Variants in SV2C observed in about 807,000 individuals in gnomAD.
The protein encoded by SV2C is solute carrier family 22 member B3.
Under a neutral mutation model 79.7 loss-of-function variants are expected in SV2C, and 49 were observed. The ratio of observed to expected loss-of-function variants is 0.61; its 90% CI spans 0.49 to 0.78. SV2C has a LOEUF of 0.78. SV2C is among the 30% of genes least tolerant of loss of function. SV2C has a pLI of 0.00. For synonymous variants in SV2C, 334 were observed against 333.2 expected (o/e 1.00, Z -0.03); for missense variants, 833 against 912.9 (o/e 0.91, Z 1.13).
the SV2C span, among the ~76,000 whole-genome samples, chr5:75,872,565 T>C: frequency 6.6e-6 from 1 of 152,098 alleles, no homozygotes; most frequent in African/African-American, 2.4e-5. Context: ...AAAAAGATGC[T>C]AGTGAATAGA....
chr5:76,227,319 AG>A (rs1745281107), intron 4 of SV2C, among the ~76,000 whole-genome samples: 1 of 152,144 alleles, frequency 6.6e-6, no homozygotes, highest in Non-Finnish European at 1.5e-5. Flanking sequence ...ACTCCAAGCC[AG>A]GGTATGGTTT....
chr5:75,933,416 C>T, the SV2C span, among the ~76,000 whole-genome samples: 27 of 152,288 alleles, frequency 1.8e-4, no homozygotes, highest in African/African-American at 5.8e-4. Context: ...CATTTGGCCC[C>T]GTTCTTGTCC....
At chr5:76,270,749 G>GATTT (rs779230446) in intron 4 of SV2C, among the ~76,000 whole-genome samples, 4 of 151,730 alleles carry the variant, frequency 2.6e-5, no homozygotes, top group African/African-American at 7.2e-5. Flanking sequence ...TAATCCCTAT[G>GATTT]ATTTATTTAT....
the SV2C span, among the ~76,000 whole-genome samples, chr5:75,873,959 C>T: frequency 7.9e-5 from 12 of 152,018 alleles, no homozygotes; most frequent in Admixed American, 7.2e-4. Flanking sequence ...GATTCACAGC[C>T]GAATTCTACC....
chr5:76,306,426 A>C (rs1487037468), intron 12 of SV2C, among the ~76,000 whole-genome samples: 8 of 152,210 alleles, frequency 5.3e-5, no homozygotes, highest in Non-Finnish European at 1.5e-5. Context: ...CCAAATACTT[A>C]TTCTTTACTT....
the SV2C span, chr5:75,921,213 A>T: frequency 9.0e-7 from 1 of 1,110,044 alleles, no homozygotes; most frequent in Non-Finnish European, 1.3e-6. Flanking sequence ...CCAGCAGCCG[A>T]GATGTGGTCA....
intron 9 of SV2C, among the ~76,000 whole-genome samples, chr5:76,297,352 C>T (rs1476056617): frequency 2.0e-5 from 3 of 152,182 alleles, no homozygotes; most frequent in African/African-American, 7.2e-5. Flanking sequence ...ACACAGAATG[C>T]TCCTGGAGGA....
At chr5:75,856,787 CT>C in the SV2C span, among the ~76,000 whole-genome samples, 7 of 152,138 alleles carry the variant, frequency 4.6e-5, no homozygotes, top group African/African-American at 1.7e-4. Context: ...TGTGCAGAAG[CT>C]TTTTAACTGG....
At chr5:76,257,967 C>T (rs1579995095) in intron 4 of SV2C, among the ~76,000 whole-genome samples, 1 of 137,082 alleles carries the variant, frequency 7.3e-6, no homozygotes, top group South Asian at 2.4e-4. Context: ...GGGGTATAAA[C>T]GTGTGGTGTG....
chr5:76,063,173 C>T, the SV2C span, among the ~76,000 whole-genome samples: 20 of 152,140 alleles, frequency 1.3e-4, no homozygotes, highest in East Asian at 1.4e-3. Context: ...ACTCCTCTCC[C>T]TCCTGGGGCT....
the SV2C span, among the ~76,000 whole-genome samples, chr5:76,057,760 AATT>A: frequency 6.6e-6 from 1 of 152,126 alleles, no homozygotes; most frequent in Non-Finnish European, 1.5e-5. Flanking sequence ...GACTGACTAC[AATT>A]ATTATTATCA....
At chr5:76,246,865 T>A (rs75726908) in intron 4 of SV2C, among the ~76,000 whole-genome samples, 6,817 of 152,182 alleles carry the variant, frequency 0.045, 511 homozygotes, top group African/African-American at 0.15. Context: ...TAACGCCCCT[T>A]CTTGTGTCAA....
At chr5:75,981,238 A>G in the SV2C span, among the ~76,000 whole-genome samples, 2 of 152,200 alleles carry the variant, frequency 1.3e-5, no homozygotes, top group African/African-American at 4.8e-5. Context: ...AAATGGAAAA[A>G]CATTCCATGC....
chr5:76,153,612 G>A (rs1742630966), intron 2 of SV2C, among the ~76,000 whole-genome samples: 2 of 152,126 alleles, frequency 1.3e-5, no homozygotes, highest in South Asian at 4.1e-4. Flanking sequence ...ACAAAGTAGG[G>A]CACCTAATTT....
At chr5:75,956,929 C>T in the SV2C span, among the ~76,000 whole-genome samples, 5 of 152,026 alleles carry the variant, frequency 3.3e-5, no homozygotes, top group South Asian at 6.2e-4. Flanking sequence ...CATACCTTCC[C>T]TTGTAACTTC....
chr5:76,276,750 T>G (rs1390384380), intron 4 of SV2C, among the ~76,000 whole-genome samples: 6 of 151,804 alleles, frequency 4.0e-5, no homozygotes, highest in Non-Finnish European at 2.9e-5. Flanking sequence ...TCTTTTTTTT[T>G]TAGAGATGAA....
At chr5:76,036,341 A>G in the SV2C span, among the ~76,000 whole-genome samples, 8 of 151,918 alleles carry the variant, frequency 5.3e-5, no homozygotes, top group South Asian at 2.1e-4. Flanking sequence ...TCCTAGTCTC[A>G]GTGGTCTTTA....
At chr5:76,189,949 G>A (rs977830443) in intron 2 of SV2C, among the ~76,000 whole-genome samples, 1 of 152,006 alleles carries the variant, frequency 6.6e-6, no homozygotes, top group Non-Finnish European at 1.5e-5. Context: ...TTATGTGATT[G>A]GTGTTAAATT....
upstream of SV2C, chr5:76,079,557 T>C (rs557771729): frequency 1.9e-5 from 6 of 309,446 alleles, no homozygotes; most frequent in African/African-American, 1.3e-4. Context: ...TTTCTCAGAC[T>C]GATTTTTGAC....
Sources: gnomAD v4.1 joint callset for allele counts (sites outside exome capture counted in the v4.1 genomes callset) on GRCh38, gnomAD v4.1.1 for gene constraint, MANE v1.5 for transcripts, NCBI Gene and HGNC (gene_info 2026-07-23, HGNC 2026-07-21) for gene names.